TEX15: variants seen among roughly 807,000 people sequenced by gnomAD.
The protein encoded by TEX15 is testis expressed 15, meiosis and synapsis associated, also known as testis-expressed protein 15.
Under a neutral mutation model 237.3 loss-of-function variants are expected in TEX15, and 171 were observed. The observed-to-expected ratio is 0.72, with a 90% CI of 0.64 to 0.82. The LOEUF is 0.82. Among genes scored for constraint, TEX15 ranks in the 40% least tolerant of loss-of-function variants. TEX15 has a pLI of 0.00. For synonymous variants in TEX15, 1,338 were observed against 1,269.8 expected (o/e 1.05, Z -1.14); for missense variants, 3,750 against 3,646.5 (o/e 1.03, Z -0.73).
At position 30,875,109 on chromosome 8, in the gene TEX15, G is replaced by A; in HGVS notation, c.137-7C>T. ...TAACAAGGTGACAAGTAAACTAAAG[G>A]TAGAAAAAGAGAAAGCAGTTGTATT... On this transcript the variant is annotated splice_region_variant and splice_polypyrimidine_tract_variant and intron_variant, in intron 3 of 10. Coordinates refer to ENST00000643185, the MANE Select transcript of TEX15 (RefSeq NM_001350162.2). 2 of 1,235,908 alleles carry A rather than the reference G, an allele frequency of 1.6e-6. No homozygotes were observed. The highest frequency in any genetic ancestry group is 7.9e-5 in the South Asian group (2 of 25,180). 76.6% of individuals were successfully genotyped at this position (1,235,908 alleles called of 1,614,324 possible).
At position 30,844,520 on chromosome 8, in the gene TEX15, A is replaced by C; in HGVS notation, c.5647T>G (p.Ser1883Ala). The C allele has an allele frequency of 1.2e-6, 2 of 1,612,948 alleles. No homozygotes were observed. The highest frequency in any genetic ancestry group is 1.7e-6 in the Non-Finnish European group (2 of 1,179,520). ...GTAATAATTTTCTCATTTAAGCAGG[A>C]TTCTTCTGAGATCTGATTCTTTTGA... Reference protein sequence around the residue: ...KNQKNQISEESCLNEKIITTN... With the variant: ...KNQKNQISEEACLNEKIITTN... Residue 1883 changes from serine (S) to alanine (A), a missense_variant, in exon 8 of 11, where the codon TCC (serine) becomes GCC (alanine). Coordinates refer to ENST00000643185, the MANE Select transcript of TEX15 (RefSeq NM_001350162.2).
chr8:30,906,176 G>A (rs984836812), intron 1 of TEX15, among the ~76,000 whole-genome samples: 2 of 152,064 alleles, frequency 1.3e-5, no homozygotes, highest in Admixed American at 6.5e-5. Context: ...AAATAAAGAG[G>A]CATAATATTT....
In TEX15 at chr8:30,837,910, C is replaced by T. The variant is rs1337970219; in HGVS notation, c.8374G>A (p.Ala2792Thr). 2.5e-6 allele frequency: 4 copies of T among 1,614,122 alleles called. No homozygotes were observed. The highest frequency in any genetic ancestry group is 1.7e-5 in the Admixed American group (1 of 60,016). Reference sequence around the variant, plus strand: ...TCTATTTTGCTTTCCGACTTTGATGCGCAAGTGTCTTTTGGGTTCTCTAAG... The same window carrying T: ...TCTATTTTGCTTTCCGACTTTGATGTGCAAGTGTCTTTTGGGTTCTCTAAG... ...LPLENPKDTC[A>T]SKSESKIDLT... is the part of the protein sequence containing the mutation. Residue 2792 changes from alanine (A) to threonine (T), a missense_variant, in exon 10 of 11, where the codon GCA becomes ACA. Physicochemically the swap from Ala to Thr is moderately conservative, Grantham distance 58. Coordinates refer to ENST00000643185, the MANE Select transcript of TEX15 (RefSeq NM_001350162.2).
At position 30,848,178 on chromosome 8, in the gene TEX15, G is replaced by A; in HGVS notation, c.1989C>T (p.His663=). The A allele has an allele frequency of 1.9e-6, 3 of 1,611,266 alleles. No homozygotes were observed. Among genetic ancestry groups the A allele is most frequent in the Non-Finnish European group, 2.5e-6 (3 of 1,179,476 alleles). Residue 663 remains histidine, a synonymous_variant, in exon 8 of 11, where the codon CAC becomes CAT. Coordinates refer to ENST00000643185, the MANE Select transcript of TEX15 (RefSeq NM_001350162.2). The part of the protein sequence containing the change: ...ISPIDNYIVL[H]QEYKESESHN... ...GACTCTCACTCTCTTTGTATTCTTG[G>A]TGCAAAACAATGTAATTATCTATTG...
chr8:30,849,712 C>T (rs534457224), intron 7 of TEX15, among the ~76,000 whole-genome samples: 11 of 152,070 alleles, frequency 7.2e-5, no homozygotes, highest in African/African-American at 2.2e-4. Context: ...ACCAGCCTGG[C>T]CAACAGGGTG....
intron 7 of TEX15, among the ~76,000 whole-genome samples, chr8:30,851,386 T>C (rs1255115559): frequency 6.6e-6 from 1 of 152,164 alleles, no homozygotes; most frequent in Non-Finnish European, 1.5e-5. Context: ...TCCCAGCACT[T>C]TGGGAGGCGG....
chr8:30,908,405 T>G (rs1203658819), intron 1 of TEX15, among the ~76,000 whole-genome samples: 2 of 152,230 alleles, frequency 1.3e-5, no homozygotes, highest in African/African-American at 4.8e-5. Context: ...GGCACAAAAT[T>G]TATAGTAATG....
intron 7 of TEX15, among the ~76,000 whole-genome samples, chr8:30,852,856 G>A (rs1377703146): frequency 1.3e-5 from 2 of 152,148 alleles, no homozygotes; most frequent in Non-Finnish European, 2.9e-5. Context: ...TGTTATCTGT[G>A]GTAGCTACTA....
rs918869099 is a variant in TEX15, at chr8:30,842,690, C to T, written c.7477G>A (p.Ala2493Thr). 1 of 1,612,958 alleles carries T rather than the reference C, an allele frequency of 6.2e-7. No homozygotes were observed. Among genetic ancestry groups the T allele is most frequent in the South Asian group, 1.1e-5 (1 of 91,054 alleles). ...TTATCTTTAAGAAATGAAAAAGAAGCCATTTTTTCTTGGCACTGAACCAGC... is the reference window on the plus strand; with the variant it reads ...TTATCTTTAAGAAATGAAAAAGAAGTCATTTTTTCTTGGCACTGAACCAGC... ...PELVQCQEKM[A>T]SFSFLKDNST... is the part of the protein sequence containing the mutation. Residue 2493 changes from alanine to threonine, a missense_variant, in exon 8 of 11, where the codon GCT becomes ACT. Ala to Thr is a moderately conservative substitution (Grantham distance 58). Coordinates refer to ENST00000643185, the MANE Select transcript of TEX15 (RefSeq NM_001350162.2).
chr8:30,902,885 G>A (rs1415890682), intron 1 of TEX15, among the ~76,000 whole-genome samples: 1 of 152,298 alleles, frequency 6.6e-6, no homozygotes, highest in Admixed American at 6.5e-5. Context: ...AGTATTCCAG[G>A]AAGGAAATGT....
chr8:30,871,082 G>T (rs1808282073), intron 4 of TEX15, among the ~76,000 whole-genome samples: 1 of 151,738 alleles, frequency 6.6e-6, no homozygotes, highest in African/African-American at 2.4e-5. Flanking sequence ...TTTCATCTCT[G>T]CTCTCTGATC....
At position 30,860,056 on chromosome 8, in the gene TEX15, A is replaced by T; in HGVS notation, c.542T>A (p.Val181Asp). The stretch of plus-strand genomic sequence containing the variant: ...GATTTTCTTCACTTTTCCAAAGAGA[A>T]CCTAAAAAAAAAAAAGCCAAAAAAA... ...ITVESILIFK[V>D]LFGKVKKIQP... The change falls in exon 6 of 11, where the codon GTT becomes GAT. Residue 181 changes from valine (V) to aspartate (D), a missense_variant and splice_region_variant. By Grantham distance (152) the Val-to-Asp change is radical. Transcript: ENST00000643185. The T allele has an allele frequency of 6.8e-7, 1 of 1,466,822 alleles. No individual in the cohort carries two copies. Among genetic ancestry groups the T allele is most frequent in the Non-Finnish European group, 8.9e-7 (1 of 1,120,414 alleles). 90.9% of individuals were successfully genotyped at this position (1,466,822 alleles called of 1,614,324 possible). A position where few individuals can be genotyped will look rare whatever the true frequency, so the allele number is the denominator to read the frequency against.
At chr8:30,855,804 T>C (rs1176976527) in intron 7 of TEX15, among the ~76,000 whole-genome samples, 2 of 152,168 alleles carry the variant, frequency 1.3e-5, no homozygotes, top group Admixed American at 6.5e-5. Context: ...TGGGAAAACA[T>C]TGTTAAGTGA....
chr8:30,891,351 A>C (rs1022067625), intron 2 of TEX15, among the ~76,000 whole-genome samples: 7 of 152,046 alleles, frequency 4.6e-5, no homozygotes, highest in Admixed American at 4.6e-4. Flanking sequence ...ACACATCATC[A>C]CCAAGAGTGT....
chr8:30,908,318 C>T (rs1011133714), intron 1 of TEX15, among the ~76,000 whole-genome samples: 25 of 152,256 alleles, frequency 1.6e-4, no homozygotes, highest in African/African-American at 5.8e-4. Context: ...CCTCGGCATC[C>T]CAAATTACTA....
At position 30,847,230 on chromosome 8, in the gene TEX15, TAC is replaced by T. The variant is rs1466348791; in HGVS notation, c.2935_2936del (p.Val979SerfsTer10). On this transcript the variant is annotated frameshift_variant, in exon 8 of 11. Coordinates refer to ENST00000643185, the MANE Select transcript of TEX15 (RefSeq NM_001350162.2). LOFTEE classifies it high-confidence loss of function. ...CTATCTGTATTGCAGCATTTGAGGC[TAC>T]ACACACTGAAGAACTTGCAGTTTTG... ...FPKTASSSVC[V>X]ASNAAIQIAS... 5 of 1,614,012 alleles carry T rather than the reference TAC, an allele frequency of 3.1e-6. No homozygotes were observed. Among genetic ancestry groups the T allele is most frequent in the Non-Finnish European group, 3.4e-6 (4 of 1,179,884 alleles).
At chr8:30,881,610 C>CTATT (rs1808523139) in intron 3 of TEX15, among the ~76,000 whole-genome samples, 1 of 109,426 alleles carries the variant, frequency 9.1e-6, no homozygotes, top group Non-Finnish European at 1.6e-5. Context: ...TCCATCTTGA[C>CTATT]TTTTTATTTT....
chr8:30,841,277 A>T (rs1000308713), intron 8 of TEX15, among the ~76,000 whole-genome samples: 2 of 152,192 alleles, frequency 1.3e-5, no homozygotes, highest in African/African-American at 4.8e-5. Flanking sequence ...GCTGTAAGAG[A>T]AACCTCTTAG....
intron 3 of TEX15, among the ~76,000 whole-genome samples, chr8:30,878,164 G>C (rs1308741590): frequency 7.4e-6 from 1 of 134,306 alleles, no homozygotes; most frequent in Non-Finnish European, 1.5e-5. Context: ...TGAGTAGATT[G>C]TTTCTTTTTA....
Sources: gnomAD v4.1 joint callset for allele counts (sites outside exome capture counted in the v4.1 genomes callset) on GRCh38, gnomAD v4.1.1 for gene constraint, MANE v1.5 for transcripts, NCBI Gene and HGNC (gene_info 2026-07-23, HGNC 2026-07-21) for gene names.